Variants in XPR1 observed in about 807,000 individuals in gnomAD.
XPR1 encodes xenotropic and polytropic retrovirus receptor 1.
A neutral mutation model predicts 87.5 loss-of-function variants in XPR1; 28 were observed. That is an observed-to-expected ratio of 0.32 (90% confidence interval 0.24 to 0.44). The LOEUF (loss-of-function observed/expected upper bound fraction) is 0.44, where lower values mean the gene tolerates loss of function less well. Ranked by LOEUF, XPR1 falls within the 20% of genes least tolerant of loss-of-function variation. The probability of loss-of-function intolerance (pLI) is 1.00; values close to 1 mark genes in which losing one functional copy is unlikely to be tolerated. For missense variants in XPR1, 559 were observed against 862.3 expected, an observed-to-expected ratio of 0.65 and a Z score of 4.41; for synonymous variants, 300 against 306.1, an observed-to-expected ratio of 0.98 and a Z score of 0.21.
chr1:180,729,314 T>C (rs1658474659), intron 2 of XPR1, among the ~76,000 whole-genome samples: 1 of 152,228 alleles, frequency 6.6e-6, no homozygotes, highest in Non-Finnish European at 1.5e-5. Context: ...TGTGTGCATT[T>C]GTCTTTATGG....
At chr1:180,789,164 A>G (rs1189384818) in intron 3 of XPR1, among the ~76,000 whole-genome samples, 1 of 152,198 alleles carries the variant, frequency 6.6e-6, no homozygotes, top group African/African-American at 2.4e-5. Context: ...ATAAAAATGA[A>G]TCTTCTTCTA....
At chr1:180,682,245 A>G (rs748172817) in intron 1 of XPR1, 115 bp from the exon 2 acceptor site, 5 of 645,054 alleles carry the variant, frequency 7.8e-6, no homozygotes, top group Non-Finnish European at 1.2e-5. Context: ...GTATTTATCA[A>G]TTTAGGGAGC....
chr1:180,711,090 C>A (rs550921654), intron 2 of XPR1, among the ~76,000 whole-genome samples: 1 of 149,652 alleles, frequency 6.7e-6, no homozygotes, highest in Admixed American at 6.6e-5. Context: ...ACCTCCCAGA[C>A]GGGGTTGTGG....
intron 2 of XPR1, among the ~76,000 whole-genome samples, chr1:180,748,198 A>G (rs1383365176): frequency 1.3e-5 from 2 of 152,080 alleles, no homozygotes; most frequent in African/African-American, 4.8e-5. Context: ...GTGTCTAGCC[A>G]GTGGTATATT....
intron 1 of XPR1, among the ~76,000 whole-genome samples, chr1:180,644,468 CT>C (rs994103044): frequency 3.6e-5 from 5 of 138,612 alleles, no homozygotes; most frequent in African/African-American, 1.3e-4. Context: ...TTTTTTTTAA[CT>C]TTGCATCTAT....
At chr1:180,757,889 A>T (rs927216410) in intron 2 of XPR1, among the ~76,000 whole-genome samples, 1 of 150,176 alleles carries the variant, frequency 6.7e-6, no homozygotes, top group Non-Finnish European at 1.5e-5. Context: ...AAAAAAAAAA[A>T]AAAAAAAGCC....
At chr1:180,640,256 G>A (rs1654922296) in intron 1 of XPR1, among the ~76,000 whole-genome samples, 1 of 152,212 alleles carries the variant, frequency 6.6e-6, no homozygotes, top group African/African-American at 2.4e-5. Context: ...GTAAATAACA[G>A]CAGTGGTGGT....
At chr1:180,849,609 A>G (rs1005004085) in intron 11 of XPR1, among the ~76,000 whole-genome samples, 2 of 152,210 alleles carry the variant, frequency 1.3e-5, no homozygotes, top group Admixed American at 1.3e-4. Flanking sequence ...TATAGAGACA[A>G]ATAAAAGTAG....
chr1:180,808,498 T>A (rs1174788061), intron 6 of XPR1, among the ~76,000 whole-genome samples: 1 of 151,956 alleles, frequency 6.6e-6, no homozygotes, highest in African/African-American at 2.4e-5. Context: ...AAAGACATAT[T>A]AAGAGAATGA....
chr1:180,693,825 C>G (rs190019707), intron 2 of XPR1, among the ~76,000 whole-genome samples: 26 of 152,246 alleles, frequency 1.7e-4, no homozygotes, highest in African/African-American at 6.0e-4. Context: ...ATCTCAAGAT[C>G]TATAATTACA....
At chr1:180,802,193 TA>T (rs57495794) in intron 3 of XPR1, among the ~76,000 whole-genome samples, 4,125 of 145,122 alleles carry the variant, frequency 0.028, 196 homozygotes, top group African/African-American at 0.097. Context: ...GAAGAGTTAT[TA>T]AAAAAAAAAA....
intron 7 of XPR1, among the ~76,000 whole-genome samples, chr1:180,818,392 T>C (rs1490930730): frequency 6.6e-6 from 1 of 151,750 alleles, no homozygotes; most frequent in Non-Finnish European, 1.5e-5. Flanking sequence ...CATTGTTAAG[T>C]GTGCAGGCTT....
intron 2 of XPR1, among the ~76,000 whole-genome samples, chr1:180,785,065 C>T (rs919814911): frequency 4.2e-5 from 5 of 118,668 alleles, no homozygotes; most frequent in African/African-American, 1.4e-4. Context: ...CCTTACTCTA[C>T]CTTCTTCTGA....
rs373144074 is a variant in XPR1 at position 180,880,364 on chromosome 1, C to G, written c.2030+67C>G. On this transcript the variant is annotated intron_variant, in intron 14 of 14. Coordinates refer to ENST00000367590, the MANE Select transcript of XPR1 (RefSeq NM_004736.4). The stretch of plus-strand genomic sequence containing the variant: ...GTTTTAGCATTGGGTAGCATGTAAG[C>G]TAAAAAGCTATCAGGTTGAACCAAA... 27 of 1,563,154 alleles carry G rather than the reference C, an allele frequency of 1.7e-5. No homozygotes were observed. In the East Asian group the frequency reaches 3.1e-4, roughly 18 times the overall value.
At chr1:180,646,020 A>G (rs886229677) in intron 1 of XPR1, among the ~76,000 whole-genome samples, 6 of 152,264 alleles carry the variant, frequency 3.9e-5, no homozygotes, top group African/African-American at 1.4e-4. Context: ...ATCCTTATGT[A>G]TATTCTCCTG....
chr1:180,774,384 C>CTTTT (rs71121051), intron 2 of XPR1, among the ~76,000 whole-genome samples: 157 of 68,790 alleles, frequency 2.3e-3, no homozygotes, highest in East Asian at 3.1e-3. Context: ...TCTTTCCTAT[C>CTTTT]TTTTTTTTTT....
intron 2 of XPR1, among the ~76,000 whole-genome samples, chr1:180,763,119 C>T (rs1277332976): frequency 6.6e-6 from 1 of 152,122 alleles, no homozygotes; most frequent in Non-Finnish European, 1.5e-5. Context: ...GAATTCCCCT[C>T]AAATGTTCAT....
chr1:180,883,295 A>C (rs191482674), intron 14 of XPR1, among the ~76,000 whole-genome samples: 1 of 152,064 alleles, frequency 6.6e-6, no homozygotes. Context: ...CCATGTTCTC[A>C]CTTGATATGC....
intron 2 of XPR1, among the ~76,000 whole-genome samples, chr1:180,738,941 C>G (rs908157976): frequency 3.3e-5 from 5 of 151,974 alleles, no homozygotes; most frequent in Non-Finnish European, 5.9e-5. Flanking sequence ...TGCCTAAGAT[C>G]TTTTTGTCTA....
Sources: allele counts gnomAD v4.1 joint callset (sites outside exome capture counted in the v4.1 genomes callset), GRCh38; gene constraint gnomAD v4.1.1; transcripts MANE v1.5; gene names NCBI Gene and HGNC (gene_info 2026-07-23, HGNC 2026-07-21).